Variants in MME observed in about 807,000 individuals in gnomAD.
MME encodes membrane metalloendopeptidase, also known as neprilysin.
Under a neutral mutation model 113.2 loss-of-function variants are expected in MME, and 98 were observed. The observed-to-expected ratio is 0.87, with a 90% CI of 0.74 to 1.02. MME has a LOEUF of 1.02. Among genes scored for constraint, MME ranks in the 50% least tolerant of loss-of-function variants. The pLI is 0.00. For missense variants in MME, 836 were observed against 896.0 expected, an observed-to-expected ratio of 0.93 and a Z score of 0.86; for synonymous variants, 292 against 300.6, an observed-to-expected ratio of 0.97 and a Z score of 0.30.
chr3:155,129,348 C>G (rs1719952609), intron 8 of MME, among the ~76,000 whole-genome samples: 1 of 152,114 alleles, frequency 6.6e-6, no homozygotes, highest in African/African-American at 2.4e-5. Flanking sequence ...CTTCTTTGAT[C>G]CTTCCTTCCA....
In MME at chr3:155,129,474, A is replaced by AT. The variant is rs569413625; in HGVS notation, c.721-8618dup. ...AAGATCATTTCACTTTATAGAAGTC[A>AT]TTTTTTTTTTGCTTTGGATACCCTC... is the stretch of plus-strand genomic sequence containing the variant. On this transcript the variant is annotated intron_variant, in intron 8 of 22. Transcript: ENST00000360490. Among the ~76,000 whole-genome samples, 598 of 148,730 alleles carry AT rather than the reference A, an allele frequency of 4.0e-3. 3 individuals carry two copies. Among genetic ancestry groups the AT allele is most frequent in the Middle Eastern group, 0.014 (4 of 280 alleles).
At chr3:155,175,540 T>C (rs1712431319) in intron 22 of MME, among the ~76,000 whole-genome samples, 1 of 151,922 alleles carries the variant, frequency 6.6e-6, no homozygotes, top group Non-Finnish European at 1.5e-5. Context: ...TAAATATGTT[T>C]CTAAAATTAT....
chr3:155,134,784 GC>G (rs1449275988), intron 8 of MME, among the ~76,000 whole-genome samples: 2 of 152,048 alleles, frequency 1.3e-5, no homozygotes, highest in Non-Finnish European at 2.9e-5. Context: ...TTTCTCTGTA[GC>G]CTCACCAGCA....
At chr3:155,034,388 A>G (rs1713065679) in intron 1 of MME, among the ~76,000 whole-genome samples, 2 of 152,180 alleles carry the variant, frequency 1.3e-5, no homozygotes, top group Admixed American at 1.3e-4. Context: ...AATTTCCTTT[A>G]TACCTAAAAA....
At position 155,092,950 on chromosome 3, in the gene MME, C is replaced by G. The variant is rs527598878; in HGVS notation, c.196+7856C>G. On this transcript the variant is annotated intron_variant, in intron 3 of 22. Coordinates refer to ENST00000360490, the MANE Select transcript of MME (RefSeq NM_007289.4). ...AATTCTCAGCTTTTTGGCTAAAGATCAAGTGTAAATTGGATTGTGGTGATG... is the reference window on the plus strand; with the variant it reads ...AATTCTCAGCTTTTTGGCTAAAGATGAAGTGTAAATTGGATTGTGGTGATG... 3.3e-5 allele frequency among the ~76,000 whole-genome samples: 5 copies of G among 151,622 alleles called. No individual in the cohort carries two copies. The South Asian group carries it at 8.3e-4, about 25-fold the overall frequency.
At position 155,153,807 on chromosome 3, in the gene MME, T is replaced by C. The variant is rs1005678406; in HGVS notation, c.1601+5154T>C. On this transcript the variant is annotated intron_variant, in intron 16 of 22. Transcript: ENST00000360490. ...AGGAGCCAAGTCAATAAACATTTATTGAGCAGCTAGCTTGTGCAGAGCACT... is the reference window on the plus strand; with the variant it reads ...AGGAGCCAAGTCAATAAACATTTATCGAGCAGCTAGCTTGTGCAGAGCACT... 7.2e-5 allele frequency among the ~76,000 whole-genome samples: 11 copies of C among 152,278 alleles called. No homozygotes were observed. The South Asian group carries it at 2.3e-3, about 32-fold the overall frequency.
At chr3:155,062,259 A>G (rs934125734) in intron 1 of MME, among the ~76,000 whole-genome samples, 4 of 152,230 alleles carry the variant, frequency 2.6e-5, no homozygotes, top group African/African-American at 9.6e-5. Context: ...ATTCTTTTCT[A>G]TCTGCAAGAA....
intron 16 of MME, among the ~76,000 whole-genome samples, chr3:155,149,815 C>T (rs746278329): frequency 1.6e-4 from 25 of 152,160 alleles, no homozygotes; most frequent in African/African-American, 4.3e-4. Flanking sequence ...GCAACACTGA[C>T]GTGTCCTGAA....
At position 155,148,557 on chromosome 3, in the gene MME, A is replaced by G. The variant is rs752667914; in HGVS notation, c.1505A>G (p.Tyr502Cys). Reference sequence around the variant, plus strand: ...ATCTTCTTTATAATACAGTTGAACTACAAAGAAGATGAATACTTCGAGAAC... The same window carrying G: ...ATCTTCTTTATAATACAGTTGAACTGCAAAGAAGATGAATACTTCGAGAAC... ...KLNNEYLELN[Y>C]KEDEYFENII... The change falls in exon 16 of 23, where the codon TAC becomes TGC. Residue 502 changes from tyrosine to cysteine, a missense_variant. Transcript: ENST00000360490. The G allele has an allele frequency of 6.2e-7, 1 of 1,600,986 alleles. No homozygotes were observed. Among genetic ancestry groups the G allele is most frequent in the Admixed American group, 1.7e-5 (1 of 59,912 alleles).
At chr3:155,173,707 T>G (rs1321038076) in intron 22 of MME, among the ~76,000 whole-genome samples, 3 of 152,036 alleles carry the variant, frequency 2.0e-5, no homozygotes, top group Admixed American at 2.0e-4. Flanking sequence ...GCTAAGATAT[T>G]CAAATTAACT....
chr3:155,093,559 T>C lies in MME; in HGVS notation c.196+8465T>C, dbSNP rs761215905. Among the ~76,000 whole-genome samples, 51 of 152,054 alleles carry C rather than the reference T, an allele frequency of 3.4e-4. 1 individual carries two copies. The highest frequency in any genetic ancestry group is 2.6e-3 in the Admixed American group (40 of 15,256). ...ATGTTTTCCTTTTCACCTTAACTGATAGAAAGTCAAGAGCCAGGACGGGCG... is the reference window on the plus strand; with the variant it reads ...ATGTTTTCCTTTTCACCTTAACTGACAGAAAGTCAAGAGCCAGGACGGGCG... On this transcript the variant is annotated intron_variant, in intron 3 of 22. Coordinates refer to ENST00000360490, the MANE Select transcript of MME (RefSeq NM_007289.4).
At chr3:155,102,660 GCTGTTCTC>G (rs1293219181) in intron 3 of MME, among the ~76,000 whole-genome samples, 3 of 152,144 alleles carry the variant, frequency 2.0e-5, no homozygotes, top group African/African-American at 7.2e-5. Context: ...TAAAAGTAAA[GCTGTTCTC>G]ATGAGATGCC....
intron 1 of MME, among the ~76,000 whole-genome samples, chr3:155,056,464 G>A (rs1713932020): frequency 6.8e-6 from 1 of 147,104 alleles, no homozygotes; most frequent in African/African-American, 2.6e-5. Context: ...TTACTGAGAT[G>A]ATGATTTCCA....
chr3:155,170,510 T>C (rs947478981), intron 20 of MME, among the ~76,000 whole-genome samples: 1 of 152,228 alleles, frequency 6.6e-6, no homozygotes, highest in Admixed American at 6.5e-5. Flanking sequence ...AGGGACATTA[T>C]TCTCAACTGC....
upstream of MME, among the ~76,000 whole-genome samples, chr3:155,078,208 A>C (rs1380107207): frequency 6.6e-6 from 1 of 152,098 alleles, no homozygotes; most frequent in African/African-American, 2.4e-5. Flanking sequence ...GGGCGACAGC[A>C]CGAGACTCTG....
intron 3 of MME, among the ~76,000 whole-genome samples, chr3:155,094,416 C>G (rs1029056525): frequency 6.6e-5 from 10 of 152,210 alleles, no homozygotes; most frequent in African/African-American, 2.4e-4. Context: ...GGGAGATGCA[C>G]CATAGGTATA....
chr3:155,172,287 T>C (rs1411017376), intron 21 of MME, 75 bp downstream of exon 21: 19 of 1,025,658 alleles, frequency 1.9e-5, no homozygotes, highest in Non-Finnish European at 2.9e-5. Context: ...AGATGTCACA[T>C]GCTGAGTTCC....
At chr3:155,105,614 G>A (rs1024701972) in intron 3 of MME, among the ~76,000 whole-genome samples, 3 of 152,086 alleles carry the variant, frequency 2.0e-5, no homozygotes, top group Admixed American at 6.5e-5. Flanking sequence ...GATCCCAGAC[G>A]CTGGCCACCA....
intron 4 of MME, among the ~76,000 whole-genome samples, chr3:155,115,549 C>G (rs1718533011): frequency 6.6e-6 from 1 of 152,278 alleles, no homozygotes; most frequent in African/African-American, 2.4e-5. Flanking sequence ...CTGCCTCAGC[C>G]TCCCAAGTAG....
Sources: gnomAD v4.1 joint callset for allele counts (sites outside exome capture counted in the v4.1 genomes callset) on GRCh38, gnomAD v4.1.1 for gene constraint, MANE v1.5 for transcripts, NCBI Gene and HGNC (gene_info 2026-07-23, HGNC 2026-07-21) for gene names.